Variants in ARHGAP26 observed in about 807,000 individuals in gnomAD.
ARHGAP26 encodes the protein rho GTPase-activating protein 26.
Under a neutral mutation model 104.8 loss-of-function variants are expected in ARHGAP26, and 38 were observed. The observed-to-expected ratio is 0.36, with a 90% CI of 0.28 to 0.48. The LOEUF is 0.48. Ranked by LOEUF, ARHGAP26 falls within the 20% of genes least tolerant of loss-of-function variation. The pLI, the probability that ARHGAP26 is intolerant of heterozygous loss-of-function variation, is 0.99. For missense variants in ARHGAP26, 704 were observed against 947.9 expected, an observed-to-expected ratio of 0.74 and a Z score of 3.38; for synonymous variants, 341 against 340.0, an observed-to-expected ratio of 1.00 and a Z score of -0.03.
chr5:143,160,280 CAA>C (rs1177334818), intron 20 of ARHGAP26, among the ~76,000 whole-genome samples: 4 of 152,012 alleles, frequency 2.6e-5, no homozygotes, highest in Admixed American at 2.6e-4. Context: ...AGGATGGTCT[CAA>C]TCTCCTGACC....
In ARHGAP26 at chr5:142,871,418, A is replaced by T. The variant is rs982380815; in HGVS notation, c.155-1982A>T. Among the ~76,000 whole-genome samples the T allele has an allele frequency of 3.9e-5, 6 of 152,022 alleles. No individual in the cohort carries two copies. Among genetic ancestry groups the T allele is most frequent in the African/African-American group, 1.5e-4 (6 of 41,358 alleles). ...TTTCACCTGTTTCCACTTTGTTGAG[A>T]TGATTGAGTTTCTCTTGCTTATGGG... On this transcript the variant is annotated intron_variant, in intron 1 of 22. Coordinates refer to ENST00000645722, the MANE Select transcript of ARHGAP26 (RefSeq NM_001135608.3). This position sits in a 1 kb window ranked among gnomAD's most constrained non-coding sequence, Gnocchi z 4.1.
intron 17 of ARHGAP26, among the ~76,000 whole-genome samples, chr5:143,100,579 C>T (rs191488162): frequency 1.2e-3 from 185 of 152,346 alleles, no homozygotes; most frequent in African/African-American, 3.8e-3. Flanking sequence ...AATCACCTCC[C>T]ATGGTGTGAA....
At chr5:143,192,891 G>A (rs1481466565) in intron 20 of ARHGAP26, among the ~76,000 whole-genome samples, 2 of 151,736 alleles carry the variant, frequency 1.3e-5, no homozygotes, top group Admixed American at 6.6e-5. Context: ...AAAGATCTCT[G>A]GTCACCCTAA....
chr5:143,022,903 A>T (rs1180666031), intron 12 of ARHGAP26, among the ~76,000 whole-genome samples: 3 of 152,178 alleles, frequency 2.0e-5, no homozygotes, highest in Non-Finnish European at 4.4e-5. Flanking sequence ...TGGTCCACCC[A>T]TGGGGGCTGG....
intron 11 of ARHGAP26, among the ~76,000 whole-genome samples, chr5:142,933,069 A>C (rs1322210840): frequency 6.6e-6 from 1 of 152,182 alleles, no homozygotes; most frequent in African/African-American, 2.4e-5. Context: ...TTTAATCTTA[A>C]TTCTTCTCCT....
chr5:142,828,097 C>T (rs904913542), intron 1 of ARHGAP26, among the ~76,000 whole-genome samples: 5 of 152,198 alleles, frequency 3.3e-5, no homozygotes, highest in Non-Finnish European at 7.3e-5. Context: ...TTCCCTGGAT[C>T]AAGTTTCCTC....
At chr5:142,956,471 G>A (rs1158067436) in intron 11 of ARHGAP26, among the ~76,000 whole-genome samples, 2 of 152,058 alleles carry the variant, frequency 1.3e-5, no homozygotes, top group African/African-American at 4.8e-5. Flanking sequence ...CAGCTACTCG[G>A]GAAGCTGAGG....
chr5:143,094,619 G>T (rs1792024457), intron 17 of ARHGAP26, among the ~76,000 whole-genome samples: 2 of 152,360 alleles, frequency 1.3e-5, no homozygotes, highest in East Asian at 3.9e-4. Context: ...TGCCCTTACA[G>T]ATGGAACAAT....
chr5:142,886,631 G>A (rs892136683), intron 5 of ARHGAP26, among the ~76,000 whole-genome samples: 5 of 151,958 alleles, frequency 3.3e-5, no homozygotes, highest in Non-Finnish European at 5.9e-5. Flanking sequence ...CCTGAGTAGG[G>A]AAAAAGAAAC....
chr5:143,222,705 C>A lies in ARHGAP26; in HGVS notation c.*259C>A, dbSNP rs759648989. Reference sequence around the variant, plus strand: ...TAACTAAGAGGAAGACTTGCAAAGCCGTTTTCTCATGAGTACCCTGAATAG... The same window carrying A: ...TAACTAAGAGGAAGACTTGCAAAGCAGTTTTCTCATGAGTACCCTGAATAG... On this transcript the variant is annotated 3_prime_UTR_variant, in exon 23 of 23. Transcript: ENST00000645722. The A allele has an allele frequency of 2.4e-5, 8 of 333,002 alleles. No individual in the cohort carries two copies. The highest frequency in any genetic ancestry group is 4.4e-5 in the Non-Finnish European group (8 of 182,054). 20.6% of individuals were successfully genotyped at this position (333,002 alleles called of 1,614,324 possible).
At position 143,225,030 on chromosome 5, in the gene ARHGAP26, A is replaced by G. The variant is rs889940637; in HGVS notation, c.*2584A>G. 4.5e-6 allele frequency: 1 copy of G among 224,526 alleles called. No individual in the cohort carries two copies. The highest frequency in any genetic ancestry group is 2.2e-5 in the African/African-American group (1 of 44,984). 13.9% of individuals were successfully genotyped at this position (224,526 alleles called of 1,614,324 possible). The stretch of plus-strand genomic sequence containing the variant: ...AGAAAGCCACTGGGGAAAACTCGAG[A>G]AGAAAGGGAGTATACTAGTAGGTTA... On this transcript the variant is annotated 3_prime_UTR_variant, in exon 23 of 23. Coordinates refer to ENST00000645722, the MANE Select transcript of ARHGAP26 (RefSeq NM_001135608.3).
intron 11 of ARHGAP26, among the ~76,000 whole-genome samples, chr5:143,005,312 T>C (rs1022390399): frequency 2.0e-4 from 30 of 152,234 alleles, no homozygotes; most frequent in African/African-American, 7.2e-4. Flanking sequence ...GTAGCCGAAG[T>C]TGGCCTCAAA....
At chr5:143,012,540 T>TATAC (rs1554195555) in intron 11 of ARHGAP26, among the ~76,000 whole-genome samples, 1 of 41,070 alleles carries the variant, frequency 2.4e-5, no homozygotes, top group East Asian at 3.2e-4. Flanking sequence ...GATATATTTA[T>TATAC]ATACATACAT....
chr5:142,875,689 TAA>T (rs1755985407), intron 3 of ARHGAP26, among the ~76,000 whole-genome samples: 1 of 152,206 alleles, frequency 6.6e-6, no homozygotes, highest in South Asian at 2.1e-4. Flanking sequence ...TGTCCACATT[TAA>T]GAGTCAAATG....
At chr5:143,160,287 C>T (rs996806860) in intron 20 of ARHGAP26, among the ~76,000 whole-genome samples, 4 of 151,946 alleles carry the variant, frequency 2.6e-5, no homozygotes, top group Non-Finnish European at 5.9e-5. Flanking sequence ...TCTCAATCTC[C>T]TGACCTCACG....
At chr5:142,781,312 A>C (rs1260855295) in intron 1 of ARHGAP26, among the ~76,000 whole-genome samples, 1 of 152,264 alleles carries the variant, frequency 6.6e-6, no homozygotes, top group African/African-American at 2.4e-5. Context: ...CATTTATTTC[A>C]AAAAGGAGCT....
At chr5:143,201,901 A>G (rs1221431963) in intron 20 of ARHGAP26, among the ~76,000 whole-genome samples, 1 of 152,226 alleles carries the variant, frequency 6.6e-6, no homozygotes, top group Non-Finnish European at 1.5e-5. Flanking sequence ...AAAAAATCAC[A>G]GAAGTGAAGA....
chr5:143,216,311 A>G (rs1363701576), intron 22 of ARHGAP26: 1 of 470,888 alleles, frequency 2.1e-6, no homozygotes, highest in East Asian at 6.9e-5. Context: ...TCTTGCTGCC[A>G]TAACCCCCTC....
chr5:143,037,432 AT>A (rs1408869237), intron 13 of ARHGAP26, among the ~76,000 whole-genome samples, 171 bp downstream of exon 13: 1 of 152,148 alleles, frequency 6.6e-6, no homozygotes, highest in Non-Finnish European at 1.5e-5. Flanking sequence ...GTCCTAACTG[AT>A]TTTGTGTCAC....
Sources: allele counts gnomAD v4.1 joint callset (sites outside exome capture counted in the v4.1 genomes callset), GRCh38; gene constraint gnomAD v4.1.1; non-coding constraint Gnocchi (gnomAD v3.1); transcripts MANE v1.5; gene names NCBI Gene and HGNC (gene_info 2026-07-23, HGNC 2026-07-21).